FMN2: variants seen among roughly 807,000 people sequenced by gnomAD.
The protein encoded by FMN2 is formin 2, also known as formin-2.
In FMN2, 51 loss-of-function variants were observed where a neutral mutation model predicts 142.3. The ratio of observed to expected loss-of-function variants is 0.36; its 90% confidence interval spans 0.29 to 0.45. The LOEUF (loss-of-function observed/expected upper bound fraction) is 0.45. Ranked by LOEUF, FMN2 falls within the 20% of genes least tolerant of loss-of-function variation. The pLI is 1.00. For missense variants in FMN2, 1,936 were observed against 2,122.8 expected (o/e 0.91, Z 1.73); for synonymous variants, 882 against 869.8 (o/e 1.01, Z -0.25).
chr1:240,211,261 T>C, intron 6 of FMN2, 26 bp downstream of exon 6: 2 of 1,603,716 alleles, frequency 1.2e-6, no homozygotes, highest in East Asian at 2.2e-5. Flanking sequence ...CTTTATGAAA[T>C]TGGACAGTGT....
At chr1:240,273,178 T>C (rs899819527) in intron 7 of FMN2, among the ~76,000 whole-genome samples, 9 of 152,170 alleles carry the variant, frequency 5.9e-5, no homozygotes, top group Non-Finnish European at 1.2e-4. Flanking sequence ...GAGGAAGACA[T>C]TGAAATAGAT....
intron 14 of FMN2, among the ~76,000 whole-genome samples, chr1:240,364,812 A>G (rs1672607087): frequency 6.6e-6 from 1 of 152,122 alleles, no homozygotes; most frequent in Non-Finnish European, 1.5e-5. Context: ...CCCAATAAAC[A>G]TTTACTTCAC....
intron 4 of FMN2, among the ~76,000 whole-genome samples, chr1:240,199,812 C>G (rs989115806): frequency 6.6e-6 from 1 of 152,146 alleles, no homozygotes; most frequent in Non-Finnish European, 1.5e-5. Flanking sequence ...TAGATTTAAC[C>G]TTCCTCCATT....
intron 13 of FMN2, among the ~76,000 whole-genome samples, chr1:240,339,528 T>TA (rs1436778352): frequency 6.6e-6 from 1 of 151,954 alleles, no homozygotes; most frequent in Admixed American, 6.6e-5. Context: ...AAAAAAAATT[T>TA]AAAAAAAATT....
rs1663373180 is a variant in FMN2, at chr1:240,144,906, C to T, written c.1782+21561C>T. On this transcript the variant is annotated intron_variant, in intron 2 of 17. Transcript: ENST00000319653. ...TCTCCTGCCAGGTGCCTGATATACT[C>T]ATGACTCCATGATGCCAATTCCTTC... 4 of 1,360,164 alleles carry T rather than the reference C, an allele frequency of 2.9e-6. No homozygotes were observed. In the East Asian group the frequency reaches 6.9e-5, roughly 23 times the overall value. The allele number at this position is 1,360,164 out of a possible 1,614,324, so 84.3% of individuals were successfully genotyped here.
intron 4 of FMN2, among the ~76,000 whole-genome samples, chr1:240,189,490 T>G (rs1341815): frequency 0.65 from 98,535 of 152,090 alleles, 33,026 homozygotes; most frequent in African/African-American, 0.82. Context: ...TGATCTCTGA[T>G]AACTCATCAA....
intron 4 of FMN2, among the ~76,000 whole-genome samples, chr1:240,200,822 A>G (rs1326786731): frequency 2.0e-5 from 3 of 152,176 alleles, no homozygotes; most frequent in African/African-American, 4.8e-5. Context: ...TCTTCTATCA[A>G]AATGATCTGT....
intron 2 of FMN2, chr1:240,170,619 A>C: frequency 6.3e-7 from 1 of 1,575,136 alleles, no homozygotes; most frequent in South Asian, 1.1e-5. Flanking sequence ...CTGAATGCAC[A>C]GTTGTGGCTG....
intron 2 of FMN2, chr1:240,144,891 G>C: frequency 7.0e-7 from 1 of 1,424,756 alleles, no homozygotes; most frequent in Non-Finnish European, 9.9e-7. Flanking sequence ...TCTCCTGCCA[G>C]GTGCCTGATA....
At chr1:240,143,884 T>C (rs1332208834) in intron 2 of FMN2, 3 of 1,585,866 alleles carry the variant, frequency 1.9e-6, no homozygotes, top group African/African-American at 2.7e-5. Context: ...GCAGCAGTGT[T>C]AGGACATCTT....
intron 7 of FMN2, among the ~76,000 whole-genome samples, chr1:240,277,500 C>T (rs1186090214): frequency 6.8e-6 from 1 of 147,260 alleles, no homozygotes; most frequent in Non-Finnish European, 1.5e-5. Flanking sequence ...ATGCCTTACC[C>T]AACTTTAAGT....
At chr1:240,290,162 G>A (rs1669730319) in intron 7 of FMN2, among the ~76,000 whole-genome samples, 3 of 152,136 alleles carry the variant, frequency 2.0e-5, no homozygotes, top group Middle Eastern at 6.8e-3. Context: ...TGCAGTCATC[G>A]ATCAAAATCT....
At chr1:240,114,456 G>T (rs554778378) in intron 1 of FMN2, among the ~76,000 whole-genome samples, 1 of 152,034 alleles carries the variant, frequency 6.6e-6, no homozygotes, top group Non-Finnish European at 1.5e-5. Flanking sequence ...CCCCCAGCAG[G>T]GGCCCACCAT....
chr1:240,294,689 G>A, intron 7 of FMN2, 133 bp from the exon 8 acceptor site: 1 of 740,740 alleles, frequency 1.3e-6, no homozygotes, highest in Non-Finnish European at 2.3e-6. Context: ...TTTGCAGTGG[G>A]GGCAAGGGGA....
intron 2 of FMN2, among the ~76,000 whole-genome samples, chr1:240,132,595 G>A (rs577904148): frequency 3.3e-5 from 5 of 152,254 alleles, no homozygotes; most frequent in Admixed American, 6.5e-5. Flanking sequence ...ACCTTGAGAA[G>A]CAGAGAGAGG....
intron 6 of FMN2, among the ~76,000 whole-genome samples, chr1:240,234,925 C>A (rs1667652028): frequency 6.6e-6 from 1 of 152,118 alleles, no homozygotes; most frequent in Non-Finnish European, 1.5e-5. Context: ...GGAATGAGTA[C>A]ATCCCTCTTA....
At chr1:240,460,845 A>G (rs1676426749) in intron 16 of FMN2, among the ~76,000 whole-genome samples, 3 of 152,120 alleles carry the variant, frequency 2.0e-5, no homozygotes, top group Admixed American at 6.5e-5. Context: ...GGTTTTCAAC[A>G]TGTTCTCCTG....
intron 3 of FMN2, chr1:240,180,266 G>A (rs537341141): frequency 2.2e-5 from 18 of 835,644 alleles, no homozygotes; most frequent in South Asian, 2.0e-4. Context: ...TCATCAGAGT[G>A]ATCTAATGGG....
intron 1 of FMN2, among the ~76,000 whole-genome samples, chr1:240,117,701 A>C (rs1662075934): frequency 6.6e-6 from 1 of 152,172 alleles, no homozygotes; most frequent in African/African-American, 2.4e-5. Context: ...AGTTCTCAGG[A>C]GTTAGATGCT....
Sources: gnomAD v4.1 joint callset for allele counts (sites outside exome capture counted in the v4.1 genomes callset) on GRCh38, gnomAD v4.1.1 for gene constraint, MANE v1.5 for transcripts, NCBI Gene and HGNC (gene_info 2026-07-23, HGNC 2026-07-21) for gene names.